The following GPM6A variants were observed in gnomAD, a reference collection of about 807,000 sequenced individuals.
GPM6A encodes the protein neuronal membrane glycoprotein M6-a.
A neutral mutation model predicts 32.1 loss-of-function variants in GPM6A; 7 were observed. That is an observed-to-expected ratio of 0.22 (90% CI 0.12 to 0.41). The LOEUF (loss-of-function observed/expected upper bound fraction) is 0.41. Among genes scored for constraint, GPM6A ranks in the 10% least tolerant of loss-of-function variants. The pLI, the probability that GPM6A is intolerant of heterozygous loss-of-function variation, is 1.00. For synonymous variants in GPM6A, 130 were observed against 123.4 expected (o/e 1.05, Z -0.35); for missense variants, 235 against 347.2 (o/e 0.68, Z 2.57).
At chr4:175,841,294 G>A (rs950246455) in intron 1 of GPM6A, among the ~76,000 whole-genome samples, 3 of 152,026 alleles carry the variant, frequency 2.0e-5, no homozygotes, top group Non-Finnish European at 4.4e-5. Flanking sequence ...ATTGGAAATG[G>A]ATTCTGGAAT....
At chr4:175,635,745 A>G (rs1032146218) in intron 6 of GPM6A, among the ~76,000 whole-genome samples, 21 of 152,240 alleles carry the variant, frequency 1.4e-4, no homozygotes, top group African/African-American at 5.1e-4. Flanking sequence ...TTACCCAGCA[A>G]TGAGACCGCT....
At chr4:175,885,634 A>G (rs1004080161) in intron 1 of GPM6A, among the ~76,000 whole-genome samples, 32 of 152,288 alleles carry the variant, frequency 2.1e-4, no homozygotes, top group African/African-American at 7.0e-4. Flanking sequence ...CTGTCTCAAA[A>G]AAGAAAAGAA....
At chr4:175,871,542 T>C (rs895314911) in intron 1 of GPM6A, among the ~76,000 whole-genome samples, 19 of 152,186 alleles carry the variant, frequency 1.2e-4, no homozygotes, top group Non-Finnish European at 2.1e-4. Context: ...TTTCTGAATA[T>C]TTTTCAGCCT....
upstream of GPM6A, among the ~76,000 whole-genome samples, chr4:175,815,514 T>G (rs955960575): frequency 6.6e-6 from 1 of 152,160 alleles, no homozygotes; most frequent in Non-Finnish European, 1.5e-5. Context: ...TTATGGGGAC[T>G]GAAATGCCTC....
At chr4:175,995,439 A>C (rs1393638439) in intron 1 of GPM6A, among the ~76,000 whole-genome samples, 3 of 152,060 alleles carry the variant, frequency 2.0e-5, no homozygotes, top group African/African-American at 7.2e-5. Flanking sequence ...AAGTGCAACA[A>C]GACAGGGTAC....
chr4:175,811,101 GT>G (rs1734900897), intron 1 of GPM6A, among the ~76,000 whole-genome samples: 1 of 152,058 alleles, frequency 6.6e-6, no homozygotes, highest in Non-Finnish European at 1.5e-5. Flanking sequence ...AAGTATGTGT[GT>G]GTACATTAAG....
chr4:175,769,716 A>G (rs1733112640), intron 1 of GPM6A, among the ~76,000 whole-genome samples: 1 of 152,160 alleles, frequency 6.6e-6, no homozygotes, highest in South Asian at 2.1e-4. Flanking sequence ...CTTTCTGTCT[A>G]TGTCTTACTA....
chr4:175,913,773 A>G (rs2111512635), intron 1 of GPM6A, among the ~76,000 whole-genome samples: 1 of 152,218 alleles, frequency 6.6e-6, no homozygotes, highest in East Asian at 1.9e-4. Context: ...TCTGACCACT[A>G]TATTTAGGAT....
intron 1 of GPM6A, among the ~76,000 whole-genome samples, chr4:175,901,395 TC>T (rs1279231872): frequency 5.3e-4 from 81 of 152,106 alleles, no homozygotes; most frequent in Non-Finnish European, 1.5e-5. Flanking sequence ...TCAAAATATT[TC>T]ATGTACCCCA....
chr4:175,866,226 A>C (rs1313148821), intron 1 of GPM6A, among the ~76,000 whole-genome samples: 4 of 152,016 alleles, frequency 2.6e-5, no homozygotes, highest in Non-Finnish European at 5.9e-5. Context: ...CACTATCAAC[A>C]TTTCCCACCA....
intron 1 of GPM6A, among the ~76,000 whole-genome samples, chr4:175,930,934 T>A (rs1265750185): frequency 6.6e-6 from 1 of 152,180 alleles, no homozygotes; most frequent in Non-Finnish European, 1.5e-5. Flanking sequence ...TTATTTAGGA[T>A]AATTATCCAT....
intron 1 of GPM6A, among the ~76,000 whole-genome samples, chr4:175,803,926 T>C (rs1327732226): frequency 1.3e-5 from 2 of 152,288 alleles, no homozygotes; most frequent in East Asian, 3.9e-4. Context: ...TAAGTTCAAT[T>C]ATTCTGACTA....
intron 1 of GPM6A, among the ~76,000 whole-genome samples, chr4:175,867,437 G>T (rs571218538): frequency 3.9e-5 from 6 of 151,924 alleles, no homozygotes; most frequent in Non-Finnish European, 8.8e-5. Context: ...TGTGAATAAT[G>T]TAAGATCTGT....
chr4:175,959,352 T>C (rs1740092444), intron 1 of GPM6A, among the ~76,000 whole-genome samples: 1 of 152,116 alleles, frequency 6.6e-6, no homozygotes, highest in Non-Finnish European at 1.5e-5. Flanking sequence ...ATTCAGGTAC[T>C]GCACATGATC....
chr4:175,676,370 T>A (rs900598005), intron 2 of GPM6A, among the ~76,000 whole-genome samples: 5 of 152,172 alleles, frequency 3.3e-5, no homozygotes, highest in Admixed American at 3.3e-4. Context: ...TCTACTAGAA[T>A]ATAAGTTTCA....
In GPM6A at chr4:175,633,815, A is replaced by C. The variant is rs1370094336; in HGVS notation, c.*1090T>G. The C allele has an allele frequency of 6.6e-6, 1 of 152,512 alleles. No individual in the cohort carries two copies. 9.4% of individuals were successfully genotyped at this position (152,512 alleles called of 1,614,324 possible). Reference sequence around the variant, plus strand: ...ATACATTCTATAGGGGCCTCTGACCACACTTTATAAAACACTACAGGTAAA... The same window carrying C: ...ATACATTCTATAGGGGCCTCTGACCCCACTTTATAAAACACTACAGGTAAA... On this transcript the variant is annotated 3_prime_UTR_variant, in exon 7 of 7. Coordinates refer to ENST00000393658, the MANE Select transcript of GPM6A (RefSeq NM_201591.3).
Position 175,797,039 on chromosome 4 carries a change from T to TA in GPM6A, c.37+15151dup, listed in dbSNP as rs1455230029. Among the ~76,000 whole-genome samples the TA allele has an allele frequency of 3.9e-5, 6 of 152,150 alleles. No individual in the cohort carries two copies. In the East Asian group the frequency reaches 9.6e-4, roughly 24 times the overall value. On this transcript the variant is annotated intron_variant, in intron 1 of 6. Coordinates refer to ENST00000393658, the MANE Select transcript of GPM6A (RefSeq NM_201591.3). Reference sequence around the variant, plus strand: ...TCAGATTACTAAGGATTCTCTTCTCTAAAAAAATACTGGCAAATTTAATAT... The same window carrying TA: ...TCAGATTACTAAGGATTCTCTTCTCTAAAAAAAATACTGGCAAATTTAATAT...
chr4:175,817,088 G>A (rs1477666153), upstream of GPM6A, among the ~76,000 whole-genome samples: 3 of 152,092 alleles, frequency 2.0e-5, no homozygotes, highest in Non-Finnish European at 2.9e-5. Flanking sequence ...TCGATCTCCT[G>A]ACTTCGTGAT....
chr4:175,940,423 T>C (rs1016560124), intron 1 of GPM6A, among the ~76,000 whole-genome samples: 11 of 152,280 alleles, frequency 7.2e-5, no homozygotes, highest in Admixed American at 2.6e-4. Context: ...TATTTAAGAA[T>C]AGTAATAATA....
Sources: gnomAD v4.1 joint callset for allele counts (sites outside exome capture counted in the v4.1 genomes callset) on GRCh38, gnomAD v4.1.1 for gene constraint, MANE v1.5 for transcripts, NCBI Gene and HGNC (gene_info 2026-07-23, HGNC 2026-07-21) for gene names.